HYCC1: variants seen among roughly 807,000 people sequenced by gnomAD.
HYCC1 encodes the protein hyccin.
chr7:22,983,727 T>C, the HYCC1 span: 2 of 523,922 alleles, frequency 3.8e-6, no homozygotes, highest in East Asian at 6.6e-5. Flanking sequence ...AAGCTACCTC[T>C]AGCGAGAGAG....
At chr7:22,924,676 G>T in the HYCC1 span, among the ~76,000 whole-genome samples, 2 of 152,240 alleles carry the variant, frequency 1.3e-5, no homozygotes, top group African/African-American at 4.8e-5. Context: ...GGTAAACAAA[G>T]TGGCTGGGAA....
the HYCC1 span, among the ~76,000 whole-genome samples, chr7:22,905,369 T>C: frequency 6.7e-6 from 1 of 148,346 alleles, no homozygotes; most frequent in South Asian, 2.2e-4. Flanking sequence ...CGCACCAGGA[T>C]ACCCGGCTAA....
chr7:22,912,244 G>A, the HYCC1 span, among the ~76,000 whole-genome samples: 2 of 152,170 alleles, frequency 1.3e-5, no homozygotes, highest in Non-Finnish European at 2.9e-5. Flanking sequence ...AGAGTATGTG[G>A]AATTTGAGTC....
chr7:22,984,081 G>A, the HYCC1 span: 5 of 1,244,790 alleles, frequency 4.0e-6, no homozygotes, highest in Non-Finnish European at 5.8e-6. Flanking sequence ...TTACTTTTAT[G>A]AAATGTCCAG....
the HYCC1 span, chr7:22,939,128 A>C: frequency 6.6e-6 from 1 of 152,304 alleles, no homozygotes; most frequent in East Asian, 1.9e-4. Context: ...ACGTACCATA[A>C]TTTATCTATT....
the HYCC1 span, among the ~76,000 whole-genome samples, chr7:22,931,526 TGAAA>T: frequency 6.6e-6 from 1 of 152,172 alleles, no homozygotes; most frequent in Non-Finnish European, 1.5e-5. Flanking sequence ...GGGTAGAGGC[TGAAA>T]GAATTTTGAG....
At chr7:22,963,675 T>C in the HYCC1 span, among the ~76,000 whole-genome samples, 2 of 152,202 alleles carry the variant, frequency 1.3e-5, no homozygotes, top group African/African-American at 2.4e-5. Flanking sequence ...AACTCTGCCA[T>C]TGTAACACAA....
At chr7:22,942,284 T>C in the HYCC1 span, 1 of 152,184 alleles carries the variant, frequency 6.6e-6, no homozygotes, top group Non-Finnish European at 1.5e-5. Context: ...AATGAAATAT[T>C]GCTTTTTCAA....
chr7:22,940,122 T>A, the HYCC1 span: 1 of 152,098 alleles, frequency 6.6e-6, no homozygotes, highest in Non-Finnish European at 1.5e-5. Flanking sequence ...CTAAGAGTAG[T>A]TAAGAACACA....
At chr7:22,960,230 G>C in the HYCC1 span, 1 of 1,605,414 alleles carries the variant, frequency 6.2e-7, no homozygotes. Flanking sequence ...ACAATGGTTT[G>C]ACTTGAAGAG....
chr7:22,936,190 T>A, the HYCC1 span: 1 of 151,758 alleles, frequency 6.6e-6, no homozygotes, highest in Non-Finnish European at 1.5e-5. Context: ...AGATCCAGAG[T>A]AAGGCTCTAT....
the HYCC1 span, among the ~76,000 whole-genome samples, chr7:22,924,245 C>A: frequency 1.3e-5 from 2 of 151,454 alleles, no homozygotes; most frequent in African/African-American, 4.9e-5. Flanking sequence ...GCCTACAGCT[C>A]CCAGCATGAG....
At chr7:22,923,055 C>A in the HYCC1 span, among the ~76,000 whole-genome samples, 26 of 152,246 alleles carry the variant, frequency 1.7e-4, no homozygotes, top group Admixed American at 9.2e-4. Context: ...GCACTACACA[C>A]AAATTTGACC....
chr7:23,002,160 A>ATATATATATACAAT, the HYCC1 span, among the ~76,000 whole-genome samples: 10 of 68,192 alleles, frequency 1.5e-4, no homozygotes, highest in Middle Eastern at 5.8e-3. Flanking sequence ...ATATATATAT[A>ATATATATATACAAT]TATATATATA....
At chr7:22,998,920 C>A in the HYCC1 span, among the ~76,000 whole-genome samples, 27 of 152,160 alleles carry the variant, frequency 1.8e-4, 1 homozygote, top group Non-Finnish European at 7.4e-5. Context: ...ATAATCCATG[C>A]CACTCCAGGC....
chr7:22,913,126 GAAA>G, the HYCC1 span, among the ~76,000 whole-genome samples: 1 of 146,430 alleles, frequency 6.8e-6, no homozygotes, highest in African/African-American at 2.5e-5. Context: ...CTCCATCTTG[GAAA>G]AAAAAAAAAG....
the HYCC1 span, chr7:23,014,018 G>C: frequency 1.3e-5 from 6 of 470,972 alleles, no homozygotes; most frequent in Non-Finnish European, 2.6e-5. Context: ...CCGAGTAGCA[G>C]CACCACCTGC....
the HYCC1 span, chr7:22,939,027 G>C: frequency 6.6e-6 from 1 of 152,122 alleles, no homozygotes; most frequent in African/African-American, 2.4e-5. Flanking sequence ...CATTTATAAT[G>C]CAAGTGGGAT....
chr7:22,989,973 T>C, the HYCC1 span, among the ~76,000 whole-genome samples: 1 of 152,236 alleles, frequency 6.6e-6, no homozygotes, highest in Non-Finnish European at 1.5e-5. Context: ...AAAAAGTTTG[T>C]TGTTGAACAT....
Sources: gnomAD v4.1 joint callset for allele counts (sites outside exome capture counted in the v4.1 genomes callset) on GRCh38, gnomAD v4.1.1 for gene constraint, MANE v1.5 for transcripts, NCBI Gene and HGNC (gene_info 2026-07-23, HGNC 2026-07-21) for gene names.